PARVB: variants seen among roughly 807,000 people sequenced by gnomAD.
PARVB encodes the protein parvin beta, also known as beta-parvin.
Under a neutral mutation model 47.0 loss-of-function variants are expected in PARVB, and 46 were observed. That is an observed-to-expected ratio of 0.98 (90% CI 0.77 to 1.25). The LOEUF (loss-of-function observed/expected upper bound fraction) is 1.25. Ranked by LOEUF, PARVB falls within the 50% of genes most tolerant of loss-of-function variation. The pLI, the probability that PARVB is intolerant of heterozygous loss-of-function variation, is 0.00. For missense variants in PARVB, 473 were observed against 471.6 expected (o/e 1.00, Z -0.03); for synonymous variants, 196 against 196.3 (o/e 1.00, Z 0.01).
chr22:44,085,203 G>T (rs557874738), intron 1 of PARVB, among the ~76,000 whole-genome samples: 4 of 152,176 alleles, frequency 2.6e-5, no homozygotes, highest in Non-Finnish European at 5.9e-5. Context: ...CCCTGGGCTC[G>T]AGTGATCCTC....
At chr22:44,072,517 C>T (rs576775652) in intron 1 of PARVB, among the ~76,000 whole-genome samples, 57 of 152,212 alleles carry the variant, frequency 3.7e-4, no homozygotes, top group Middle Eastern at 3.4e-3. Flanking sequence ...CTCATCTCAC[C>T]GCAACCTCCA....
intron 2 of PARVB, among the ~76,000 whole-genome samples, chr22:44,017,289 TTGAG>T (rs1304444786): frequency 6.6e-6 from 1 of 152,224 alleles, no homozygotes; most frequent in East Asian, 1.9e-4. Context: ...GCAAGGAAAA[TTGAG>T]TGAATGAATG....
chr22:44,162,005 C>T (rs942268554), intron 11 of PARVB, among the ~76,000 whole-genome samples: 4 of 152,348 alleles, frequency 2.6e-5, no homozygotes, highest in Admixed American at 2.0e-4. Flanking sequence ...GCTGCACCCC[C>T]GCCCCTGGGT....
chr22:44,166,086 C>T (rs761021378), intron 12 of PARVB, among the ~76,000 whole-genome samples: 46 of 152,312 alleles, frequency 3.0e-4, no homozygotes, highest in Admixed American at 5.2e-4. Context: ...GCTGAGGGAG[C>T]CCTGCTTCTT....
At chr22:44,056,749 T>C (rs2051319495) in intron 1 of PARVB, among the ~76,000 whole-genome samples, 5 of 151,822 alleles carry the variant, frequency 3.3e-5, no homozygotes, top group Admixed American at 3.3e-4. Context: ...CAAGTGATCC[T>C]CCTGCCTCAG....
At chr22:44,062,013 TA>T (rs1168641347) in intron 1 of PARVB, among the ~76,000 whole-genome samples, 2 of 152,208 alleles carry the variant, frequency 1.3e-5, no homozygotes, top group Non-Finnish European at 2.9e-5. Flanking sequence ...CATTTACACA[TA>T]CAGAATCCAT....
At chr22:44,121,173 C>A (rs142198635) in intron 4 of PARVB, among the ~76,000 whole-genome samples, 155 of 151,926 alleles carry the variant, frequency 1.0e-3, no homozygotes, top group African/African-American at 3.4e-3. Flanking sequence ...TTTTAAATTT[C>A]ATTTTTTTGT....
At chr22:44,098,945 G>C (rs1210587936) in intron 2 of PARVB, among the ~76,000 whole-genome samples, 3 of 152,168 alleles carry the variant, frequency 2.0e-5, no homozygotes, top group Admixed American at 2.0e-4. Context: ...AAAGTGCTGG[G>C]ATTGTAGGCA....
rs1448615729 is a variant in PARVB at position 44,172,763 on chromosome 22, C to T, written c.*4085C>T. 1.3e-5 allele frequency: 4 copies of T among 299,964 alleles called. No homozygotes were observed. Among genetic ancestry groups the T allele is most frequent in the East Asian group, 1.1e-4 (1 of 8,954 alleles). The allele number at this position is 299,964 out of a possible 1,614,324, so 18.6% of individuals were successfully genotyped here. ...ATTTCTGGATGTTATATAAAAGCCA[C>T]GAAAACCCTGGCCATGCTGTTTGTC... On this transcript the variant is annotated 3_prime_UTR_variant, in exon 13 of 13. Transcript: ENST00000338758.
chr22:44,035,136 T>G (rs942579832), intron 1 of PARVB, among the ~76,000 whole-genome samples: 1 of 152,204 alleles, frequency 6.6e-6, no homozygotes, highest in African/African-American at 2.4e-5. Flanking sequence ...TGCTGTATTC[T>G]TACTACAAAG....
intron 1 of PARVB, among the ~76,000 whole-genome samples, chr22:44,048,657 C>T (rs1460912209): frequency 6.6e-6 from 1 of 152,184 alleles, no homozygotes; most frequent in Non-Finnish European, 1.5e-5. Context: ...CGCCTCCAGG[C>T]TTCAAGCGAT....
chr22:44,110,682 C>G (rs536945874), intron 3 of PARVB: 1 of 152,108 alleles, frequency 6.6e-6, no homozygotes, highest in Non-Finnish European at 1.5e-5. Flanking sequence ...TCACTGCAAC[C>G]TCTGCCTCCC....
Position 44,133,000 on chromosome 22 carries a change from G to A in PARVB, c.624G>A (p.Val208=), listed in dbSNP as rs1157016752. 2.5e-5 allele frequency: 41 copies of A among 1,612,148 alleles called. No individual in the cohort carries two copies. The highest frequency in any genetic ancestry group is 3.3e-5 in the Non-Finnish European group (39 of 1,178,772). ...CTGAGCATGTAACGGTGCAGGTGGT[G>A]GTCGTGCGGGTGAGTATAACCGAGT... ...RLPEHVTVQV[V]VVRKREGLLH... is the part of the protein sequence containing the mutation. The change falls in exon 6 of 13, where the codon GTG becomes GTA. Residue 208 remains valine (V), a synonymous_variant. Coordinates refer to ENST00000338758, the MANE Select transcript of PARVB (RefSeq NM_013327.5).
intron 3 of PARVB, chr22:44,110,068 C>T (rs990679086): frequency 7.3e-6 from 1 of 136,538 alleles, no homozygotes; most frequent in Non-Finnish European, 1.5e-5. Flanking sequence ...AGCCGAGATC[C>T]CGCCACTGCA....
intron 1 of PARVB, among the ~76,000 whole-genome samples, chr22:44,067,464 G>A (rs549271828): frequency 1.3e-5 from 2 of 152,324 alleles, no homozygotes; most frequent in South Asian, 4.1e-4. Context: ...CATCTCCTTG[G>A]CCAGCTCAGT....
chr22:44,152,623 A>G (rs201171302), intron 10 of PARVB: 1 of 152,236 alleles, frequency 6.6e-6, no homozygotes, highest in African/African-American at 2.4e-5. Context: ...GTAGGTATGT[A>G]CAACACATTT....
chr22:44,168,575 C>T (rs2147198786), intron 12 of PARVB, 27 bp from the exon 13 acceptor site: 1 of 1,554,206 alleles, frequency 6.4e-7, no homozygotes, highest in East Asian at 2.2e-5. Flanking sequence ...TGGCACGCCT[C>T]TGAAGTTTCT....
At chr22:44,025,497 C>T (rs1300495236) in intron 1 of PARVB, among the ~76,000 whole-genome samples, 1 of 152,120 alleles carries the variant, frequency 6.6e-6, no homozygotes, top group African/African-American at 2.4e-5. Context: ...GTGCAGGGAA[C>T]GCTTGGTTCC....
At chr22:44,004,860 G>C (rs2050448327) in intron 2 of PARVB, among the ~76,000 whole-genome samples, 1 of 152,290 alleles carries the variant, frequency 6.6e-6, no homozygotes, top group South Asian at 2.1e-4. Context: ...GGCTAAGCCA[G>C]AACAGGCAAT....
Sources: allele counts gnomAD v4.1 joint callset (sites outside exome capture counted in the v4.1 genomes callset), GRCh38; gene constraint gnomAD v4.1.1; transcripts MANE v1.5; gene names NCBI Gene and HGNC (gene_info 2026-07-23, HGNC 2026-07-21).